The following FAF1 variants were observed in gnomAD, a reference collection of about 807,000 sequenced individuals.
The protein encoded by FAF1 is FAS-associated factor 1.
A neutral mutation model predicts 92.5 loss-of-function variants in FAF1; 25 were observed. The ratio of observed to expected loss-of-function variants is 0.27; its 90% confidence interval spans 0.20 to 0.38. FAF1 has a LOEUF of 0.38. Among genes scored for constraint, FAF1 ranks in the 10% least tolerant of loss-of-function variants. The pLI, the probability that FAF1 is intolerant of heterozygous loss-of-function variation, is 1.00. For synonymous variants in FAF1, 234 were observed against 273.2 expected, an observed-to-expected ratio of 0.86 and a Z score of 1.42; for missense variants, 636 against 793.3, an observed-to-expected ratio of 0.80 and a Z score of 2.38.
At chr1:50,907,682 A>G (rs551582387) in intron 1 of FAF1, among the ~76,000 whole-genome samples, 6 of 152,062 alleles carry the variant, frequency 3.9e-5, no homozygotes, top group Non-Finnish European at 8.8e-5. Context: ...TGTTTATAGT[A>G]TTCTCTGATG....
chr1:50,847,304 G>C (rs1455289664), intron 2 of FAF1, among the ~76,000 whole-genome samples: 1 of 151,226 alleles, frequency 6.6e-6, no homozygotes, highest in Non-Finnish European at 1.5e-5. Context: ...ACAGATGTTA[G>C]AACAGGAAAT....
chr1:50,906,160 A>C (rs1300439556), intron 1 of FAF1, among the ~76,000 whole-genome samples: 1 of 151,840 alleles, frequency 6.6e-6, no homozygotes, highest in Admixed American at 6.6e-5. Flanking sequence ...TCTTGTTTTT[A>C]TCAGGTTTGT....
At position 50,885,654 on chromosome 1, in the gene FAF1, T is replaced by G. The variant is rs368395968; in HGVS notation, c.46-27657A>C. Among the ~76,000 whole-genome samples the G allele has an allele frequency of 2.6e-5, 4 of 152,216 alleles. No homozygotes were observed. In the South Asian group the frequency reaches 8.3e-4, roughly 31 times the overall value. ...TATCCATTCAGCCACTGTCTTTCCA[T>G]TGAAGAGTTTAGTCCATTTATATTC... On this transcript the variant is annotated intron_variant, in intron 1 of 18. Transcript: ENST00000396153.
intron 7 of FAF1, among the ~76,000 whole-genome samples, chr1:50,675,811 T>C (rs560803011): frequency 3.9e-5 from 6 of 152,268 alleles, no homozygotes; most frequent in South Asian, 2.1e-4. Flanking sequence ...TATGATACAA[T>C]GTGATAGTTA....
At chr1:50,948,789 G>A (rs1448384626) in intron 1 of FAF1, among the ~76,000 whole-genome samples, 5 of 152,068 alleles carry the variant, frequency 3.3e-5, no homozygotes, top group Admixed American at 1.3e-4. Flanking sequence ...GCCTCCCAAA[G>A]TGCTGAGATT....
At chr1:50,677,501 T>A (rs1457286507) in intron 7 of FAF1, among the ~76,000 whole-genome samples, 2 of 152,192 alleles carry the variant, frequency 1.3e-5, no homozygotes, top group Non-Finnish European at 2.9e-5. Flanking sequence ...TCTTTAGTAA[T>A]TAAAAAAGTA....
chr1:50,945,602 G>C (rs1645167440), intron 1 of FAF1, among the ~76,000 whole-genome samples: 1 of 152,178 alleles, frequency 6.6e-6, no homozygotes. Context: ...CTTGATTCCA[G>C]TGGGCTTCAT....
At chr1:50,605,800 T>G (rs575959857) in intron 8 of FAF1, among the ~76,000 whole-genome samples, 1 of 152,360 alleles carries the variant, frequency 6.6e-6, no homozygotes, top group Non-Finnish European at 1.5e-5. Flanking sequence ...CTTTTCTTCC[T>G]CATATTATTT....
At chr1:50,687,708 T>C (rs1403663250) in intron 7 of FAF1, among the ~76,000 whole-genome samples, 3 of 146,858 alleles carry the variant, frequency 2.0e-5, no homozygotes, top group African/African-American at 7.6e-5. Context: ...AAGATCGCAC[T>C]CCAGCCTGGG....
At chr1:50,700,869 C>A (rs574562403) in intron 7 of FAF1, among the ~76,000 whole-genome samples, 1 of 152,208 alleles carries the variant, frequency 6.6e-6, no homozygotes, top group Non-Finnish European at 1.5e-5. Flanking sequence ...GGGGAAAAGA[C>A]TTGTCAGTTC....
At chr1:50,858,281 A>C (rs1037863655) in intron 1 of FAF1, among the ~76,000 whole-genome samples, 1 of 151,880 alleles carries the variant, frequency 6.6e-6, no homozygotes, top group African/African-American at 2.4e-5. Context: ...CTAATTACCA[A>C]GAACAACTTT....
chr1:50,902,053 T>G (rs1644801074), intron 1 of FAF1, among the ~76,000 whole-genome samples: 1 of 152,228 alleles, frequency 6.6e-6, no homozygotes, highest in South Asian at 2.1e-4. Flanking sequence ...CCGAAGAAAG[T>G]AACTTTTGTT....
At chr1:50,656,140 T>G (rs957478225) in intron 7 of FAF1, among the ~76,000 whole-genome samples, 3 of 152,148 alleles carry the variant, frequency 2.0e-5, no homozygotes, top group African/African-American at 7.2e-5. Flanking sequence ...GAGACCAGTC[T>G]GGCCAACATG....
intron 1 of FAF1, among the ~76,000 whole-genome samples, chr1:50,885,070 G>C (rs1644647485): frequency 6.6e-6 from 1 of 152,156 alleles, no homozygotes; most frequent in Non-Finnish European, 1.5e-5. Context: ...GTTGCTCTGA[G>C]TAGTCACTAA....
At chr1:50,906,180 G>C (rs998590845) in intron 1 of FAF1, among the ~76,000 whole-genome samples, 3 of 152,194 alleles carry the variant, frequency 2.0e-5, no homozygotes, top group African/African-American at 7.2e-5. Context: ...TCAAAGATCA[G>C]ATGGTTGTAG....
At chr1:50,730,844 C>G (rs896523074) in intron 6 of FAF1, among the ~76,000 whole-genome samples, 1 of 152,220 alleles carries the variant, frequency 6.6e-6, no homozygotes, top group African/African-American at 2.4e-5. Context: ...TTGCTACACG[C>G]TTTTCACTCT....
intron 15 of FAF1, among the ~76,000 whole-genome samples, chr1:50,510,977 C>A (rs900159689): frequency 2.0e-5 from 3 of 152,198 alleles, no homozygotes; most frequent in Admixed American, 1.3e-4. Context: ...ATATGGAAGA[C>A]ATATTTTATC....
chr1:50,819,765 GTATATATA>G (rs1197224495), intron 2 of FAF1, among the ~76,000 whole-genome samples: 1 of 40,168 alleles, frequency 2.5e-5, no homozygotes, highest in East Asian at 1.9e-3. Flanking sequence ...ATATATATAC[GTATATATA>G]TATACATATA....
At chr1:50,834,740 T>A (rs540655733) in intron 2 of FAF1, among the ~76,000 whole-genome samples, 1 of 152,184 alleles carries the variant, frequency 6.6e-6, no homozygotes. Context: ...AGAAGGAGGT[T>A]CACTAATCTC....
Sources: allele counts gnomAD v4.1 joint callset (sites outside exome capture counted in the v4.1 genomes callset), GRCh38; gene constraint gnomAD v4.1.1; transcripts MANE v1.5; gene names NCBI Gene and HGNC (gene_info 2026-07-23, HGNC 2026-07-21).